ANKRD36: variants seen among roughly 807,000 people sequenced by gnomAD.
ANKRD36 encodes ankyrin repeat domain-containing protein 36A.
ANKRD36 carries 179 observed loss-of-function variants against 278.1 expected under a neutral mutation model. The observed-to-expected ratio is 0.64, with a 90% CI of 0.57 to 0.73. The LOEUF (loss-of-function observed/expected upper bound fraction) is 0.73. Ranked by LOEUF, ANKRD36 falls within the 30% of genes least tolerant of loss-of-function variation. The probability of loss-of-function intolerance (pLI) is 0.00; values close to 1 mark genes in which losing one functional copy is unlikely to be tolerated. For missense variants in ANKRD36, 1,159 were observed against 1,956.7 expected, an observed-to-expected ratio of 0.59 and a Z score of 7.69; for synonymous variants, 320 against 641.1, an observed-to-expected ratio of 0.50 and a Z score of 7.57.
intron 67 of ANKRD36, among the ~76,000 whole-genome samples, chr2:97,232,070 A>C (rs1434055233): frequency 1.1e-4 from 16 of 152,000 alleles, no homozygotes; most frequent in African/African-American, 3.1e-4. Context: ...AGGCTAATGC[A>C]AATTATTTTT....
chr2:97,157,466 A>C (rs2047766120), intron 15 of ANKRD36, among the ~76,000 whole-genome samples: 2 of 117,534 alleles, frequency 1.7e-5, no homozygotes, highest in Non-Finnish European at 3.6e-5. Flanking sequence ...CTTTCATTTC[A>C]CCTCTGTTTC....
chr2:97,146,767 G>A (rs35965387), intron 11 of ANKRD36, among the ~76,000 whole-genome samples: 7 of 151,266 alleles, frequency 4.6e-5, no homozygotes, highest in Admixed American at 1.3e-4. Context: ...GTAGCCAACC[G>A]ATGATTTGAC....
At position 97,113,579 on chromosome 2, in the gene ANKRD36, T is replaced by A. The variant is rs1393426604; in HGVS notation, c.-161T>A. 1.1e-6 allele frequency: 1 copy of A among 874,808 alleles called. No individual in the cohort carries two copies. The highest frequency in any genetic ancestry group is 1.7e-6 in the Non-Finnish European group (1 of 576,902). 54.2% of individuals were successfully genotyped at this position (874,808 alleles called of 1,614,324 possible). A position where few individuals can be genotyped will look rare whatever the true frequency, so the allele number is the denominator to read the frequency against. On this transcript the variant is annotated 5_prime_UTR_variant, in exon 1 of 76. Transcript: ENST00000420699. ...CTAAGGTGCGCGTGCTCGCTGGTTC[T>A]AACCCTTCTGTTGGGCGTTTCTGCT...
rs201026502 is a variant in ANKRD36, at chr2:97,241,309, G to T, written c.4137G>T (p.Trp1379Cys). 2 of 1,335,320 alleles carry T rather than the reference G, an allele frequency of 1.5e-6. No individual in the cohort carries two copies. The highest frequency in any genetic ancestry group is 2.0e-6 in the Non-Finnish European group (2 of 977,170). 82.7% of individuals were successfully genotyped at this position (1,335,320 alleles called of 1,614,324 possible). A position where few individuals can be genotyped will look rare whatever the true frequency, so the allele number is the denominator to read the frequency against. ...AAATTAAAAATACATTTTGTTTATG[G>T]AAAAGATTAATAAAACTTAAAGATA... ...LLKIKNTFCL[W>C]KRLIKLKDNH... The change falls in exon 69 of 76, where the codon TGG becomes TGT. Residue 1379 changes from tryptophan to cysteine, a missense_variant. Transcript: ENST00000420699.
At position 97,202,595 on chromosome 2, in the gene ANKRD36, C is replaced by T. The variant is rs548617753; in HGVS notation, c.2959+202C>T. The stretch of plus-strand genomic sequence containing the variant: ...CTTCGCTGTAAGATTATACACTTCC[C>T]CACATTGAAGTTGGGAAGAATATAC... On this transcript the variant is annotated intron_variant, in intron 48 of 75. Coordinates refer to ENST00000420699, the MANE Select transcript of ANKRD36 (RefSeq NM_001354587.1). 7.2e-4 allele frequency among the ~76,000 whole-genome samples: 109 copies of T among 151,896 alleles called. 1 individual carries two copies. In the South Asian group the frequency reaches 0.015, roughly 20 times the overall value.
chr2:97,228,820 G>A (rs1322042890), intron 67 of ANKRD36, among the ~76,000 whole-genome samples: 2 of 151,824 alleles, frequency 1.3e-5, no homozygotes, highest in African/African-American at 2.4e-5. Context: ...GTGTCCCAGA[G>A]ATTCTGGTAT....
At chr2:97,194,604 A>T in intron 38 of ANKRD36, 122 bp from the exon 39 acceptor site, 1 of 1,543,836 alleles carries the variant, frequency 6.5e-7, no homozygotes, top group Non-Finnish European at 8.8e-7. Flanking sequence ...AGAAAGTAGA[A>T]GCCATCAAAG....
At chr2:97,229,275 T>C (rs1438842913) in intron 67 of ANKRD36, among the ~76,000 whole-genome samples, 1 of 151,582 alleles carries the variant, frequency 6.6e-6, no homozygotes, top group Non-Finnish European at 1.5e-5. Flanking sequence ...GGAGTCTAAG[T>C]CTCTTTGTAG....
chr2:97,205,989 A>T (rs200118960), intron 51 of ANKRD36, 21 bp downstream of exon 51: 64 of 1,550,164 alleles, frequency 4.1e-5, no homozygotes, highest in Non-Finnish European at 5.5e-5. Flanking sequence ...TCCCATTTAT[A>T]TTGTGAACGA....
At chr2:97,150,500 C>A (rs142613802) in intron 12 of ANKRD36, among the ~76,000 whole-genome samples, 49 of 151,870 alleles carry the variant, frequency 3.2e-4, no homozygotes, top group African/African-American at 9.6e-4. Context: ...TGGGCTTTCT[C>A]ATGATGGAAT....
At chr2:97,217,141 A>G in intron 62 of ANKRD36, 36 bp from the exon 63 acceptor site, 1 of 1,535,992 alleles carries the variant, frequency 6.5e-7, no homozygotes, top group South Asian at 1.2e-5. Flanking sequence ...TGTCATATTT[A>G]CATATGATGA....
chr2:97,125,789 A>C (rs1489468698), intron 5 of ANKRD36, among the ~76,000 whole-genome samples: 1 of 151,974 alleles, frequency 6.6e-6, no homozygotes, highest in Admixed American at 6.6e-5. Context: ...TCTATTTCAC[A>C]GGAAGCCATT....
chr2:97,178,308 C>G (rs993809850), intron 22 of ANKRD36, among the ~76,000 whole-genome samples: 1 of 151,974 alleles, frequency 6.6e-6, no homozygotes, highest in African/African-American at 2.4e-5. Context: ...TACCATTTGA[C>G]CCAGCCATCC....
In ANKRD36 at chr2:97,123,471, C is replaced by A. The variant is rs1252920279; in HGVS notation, c.593+478C>A. Among the ~76,000 whole-genome samples, 17 of 84,080 alleles carry A rather than the reference C, an allele frequency of 2.0e-4. 1 individual carries two copies. In the East Asian group the frequency reaches 2.7e-3, roughly 13 times the overall value. 55.2% of individuals were successfully genotyped at this position (84,080 alleles called of 152,430 possible). A position where few individuals can be genotyped will look rare whatever the true frequency, so the allele number is the denominator to read the frequency against. On this transcript the variant is annotated intron_variant, in intron 4 of 75. Transcript: ENST00000420699. ...CTTTAATGAAGACAAGCTTTAGGTT[C>A]ACACAGGACTGGGTTTAATCCCTAG...
chr2:97,212,189 C>T (rs1443581486), intron 58 of ANKRD36, among the ~76,000 whole-genome samples: 1 of 151,886 alleles, frequency 6.6e-6, no homozygotes, highest in Non-Finnish European at 1.5e-5. Flanking sequence ...AATTATTTTC[C>T]TCAAGGAATA....
intron 67 of ANKRD36, among the ~76,000 whole-genome samples, chr2:97,227,409 A>G (rs2070196111): frequency 1.3e-5 from 2 of 152,116 alleles, no homozygotes; most frequent in East Asian, 3.9e-4. Flanking sequence ...GAATTCACTC[A>G]TGATTTGGCT....
chr2:97,185,397 C>G, intron 29 of ANKRD36, 41 bp from the exon 30 acceptor site: 1 of 1,608,102 alleles, frequency 6.2e-7, no homozygotes, highest in Non-Finnish European at 8.5e-7. Flanking sequence ...GTCCATGAAA[C>G]ATACTTTCTT....
At position 97,211,691 on chromosome 2, in the gene ANKRD36, C is replaced by G. The variant is rs1470025095; in HGVS notation, c.3419C>G (p.Ser1140Cys). Residue 1140 changes from serine (S) to cysteine (C), a missense_variant, in exon 58 of 76, where the codon TCT becomes TGT. Transcript: ENST00000420699. The stretch of plus-strand genomic sequence containing the variant: ...CAGGCTATCTGTGACAAGGAAGATT[C>G]TGTTCCGAATATGGCCACGGAAAAA... ...ALKAICDKEDSVPNMATEKKD... is the reference protein window; with the variant it reads ...ALKAICDKEDCVPNMATEKKD... 1.3e-6 allele frequency: 2 copies of G among 1,595,264 alleles called. No homozygotes were observed. Among genetic ancestry groups the G allele is most frequent in the Admixed American group, 1.8e-5 (1 of 56,976 alleles).
chr2:97,256,453 GT>G (rs1264336337), intron 75 of ANKRD36, among the ~76,000 whole-genome samples: 1 of 150,234 alleles, frequency 6.7e-6, no homozygotes, highest in Non-Finnish European at 1.5e-5. Context: ...TTGTATGTTT[GT>G]GGAAATGTTT....
Sources: gnomAD v4.1 joint callset for allele counts (sites outside exome capture counted in the v4.1 genomes callset) on GRCh38, gnomAD v4.1.1 for gene constraint, MANE v1.5 for transcripts, NCBI Gene and HGNC (gene_info 2026-07-23, HGNC 2026-07-21) for gene names.